SEMA6D: variants seen among roughly 807,000 people sequenced by gnomAD.
The protein encoded by SEMA6D is semaphorin-6D.
Under a neutral mutation model 106.6 loss-of-function variants are expected in SEMA6D, and 35 were observed. The observed-to-expected ratio is 0.33, with a 90% confidence interval of 0.25 to 0.44. The LOEUF (loss-of-function observed/expected upper bound fraction) is 0.44, where lower values mean the gene tolerates loss of function less well. Among genes scored for constraint, SEMA6D ranks in the 20% least tolerant of loss-of-function variants. The pLI is 1.00. For missense variants in SEMA6D, 1,185 were observed against 1,345.9 expected (o/e 0.88, Z 1.87); for synonymous variants, 499 against 487.7 (o/e 1.02, Z -0.31).
chr15:47,478,122 A>G (rs901863428), intron 3 of SEMA6D, among the ~76,000 whole-genome samples: 1 of 152,056 alleles, frequency 6.6e-6, no homozygotes, highest in African/African-American at 2.4e-5. Flanking sequence ...CACAGCATAT[A>G]TATGTAACCA....
At chr15:47,431,190 T>C (rs1160471576) in intron 2 of SEMA6D, among the ~76,000 whole-genome samples, 2 of 152,170 alleles carry the variant, frequency 1.3e-5, no homozygotes, top group Non-Finnish European at 2.9e-5. Context: ...GCAAGGTATA[T>C]AATAATGTGA....
At chr15:47,664,184 A>G (rs1020013391) in intron 4 of SEMA6D, among the ~76,000 whole-genome samples, 5 of 152,292 alleles carry the variant, frequency 3.3e-5, no homozygotes, top group Admixed American at 3.3e-4. Flanking sequence ...CAACTATCAT[A>G]CATTTATATA....
intron 3 of SEMA6D, among the ~76,000 whole-genome samples, chr15:47,490,290 AAG>A (rs527646131): frequency 6.0e-4 from 91 of 152,310 alleles, no homozygotes; most frequent in African/African-American, 2.1e-3. Context: ...TATAACATAA[AAG>A]ACATTTTTGA....
chr15:47,485,303 G>T (rs1448568647), intron 3 of SEMA6D, among the ~76,000 whole-genome samples: 1 of 152,082 alleles, frequency 6.6e-6, no homozygotes. Flanking sequence ...TATAGTTTTG[G>T]TCACATCTGT....
At chr15:47,408,481 A>G (rs1438865666) in intron 1 of SEMA6D, among the ~76,000 whole-genome samples, 2 of 152,240 alleles carry the variant, frequency 1.3e-5, no homozygotes, top group Admixed American at 6.5e-5. Context: ...TTATCTATAA[A>G]AAAGGGTAAA....
chr15:47,634,159 T>C (rs2077339968), intron 4 of SEMA6D, among the ~76,000 whole-genome samples: 1 of 152,092 alleles, frequency 6.6e-6, no homozygotes, highest in African/African-American at 2.4e-5. Flanking sequence ...GAAGGCTAGA[T>C]CGGTGTGTAT....
chr15:47,390,312 T>C (rs2039983016), intron 1 of SEMA6D, among the ~76,000 whole-genome samples: 1 of 152,112 alleles, frequency 6.6e-6, no homozygotes, highest in Non-Finnish European at 1.5e-5. Context: ...TTTAAACCTC[T>C]TCTTCTATTA....
Position 47,773,614 on chromosome 15 carries a change from A to G in SEMA6D, c.*1829A>G, listed in dbSNP as rs2082725221. The G allele has an allele frequency of 6.6e-6, 1 of 152,416 alleles. No homozygotes were observed. 9.4% of individuals were successfully genotyped at this position (152,416 alleles called of 1,614,324 possible). On this transcript the variant is annotated 3_prime_UTR_variant, in exon 19 of 19. Transcript: ENST00000536845. ...TGTTGCAGAAGACCAGATCATTTTT[A>G]TACAGAATGTGAAATACTGATACAG...
chr15:47,292,838 G>C (rs1312847002), intron 1 of SEMA6D, among the ~76,000 whole-genome samples: 1 of 152,058 alleles, frequency 6.6e-6, no homozygotes, highest in Non-Finnish European at 1.5e-5. Flanking sequence ...CTTTTTCATT[G>C]CAACCACATT....
chr15:47,412,387 T>C (rs1323185741), intron 1 of SEMA6D: 1 of 152,648 alleles, frequency 6.6e-6, no homozygotes, highest in Admixed American at 6.5e-5. Flanking sequence ...CTTTGACTTT[T>C]GGCAGGATCT....
At chr15:47,284,059 C>T (rs532617659) in intron 1 of SEMA6D, among the ~76,000 whole-genome samples, 53 of 152,262 alleles carry the variant, frequency 3.5e-4, no homozygotes, top group African/African-American at 1.2e-3. Context: ...CTAGGAATCC[C>T]ACAAAACTAG....
At chr15:47,741,554 T>C (rs1212605424) in intron 1 of SEMA6D, among the ~76,000 whole-genome samples, 1 of 152,054 alleles carries the variant, frequency 6.6e-6, no homozygotes, top group Non-Finnish European at 1.5e-5. Flanking sequence ...TCGTCTCTAC[T>C]AAAAATACAA....
chr15:47,747,945 C>G (rs1170959827), intron 1 of SEMA6D, among the ~76,000 whole-genome samples: 1 of 152,158 alleles, frequency 6.6e-6, no homozygotes, highest in Non-Finnish European at 1.5e-5. Flanking sequence ...TCTGCCAGTC[C>G]CATATATCCA....
In SEMA6D at chr15:47,636,773, G is replaced by C. The variant is rs2077396257; in HGVS notation, c.-55+35877G>C. ...TTTGTCCTGTGGCAACACTACTGTA[G>C]AACCAGGGCCTGCAATACAGAAGGG... On this transcript the variant is annotated intron_variant, in intron 4 of 19. Transcript: ENST00000558014. Among the ~76,000 whole-genome samples the C allele has an allele frequency of 2.0e-5, 3 of 152,174 alleles. No individual in the cohort carries two copies. The South Asian group carries it at 6.2e-4, about 32-fold the overall frequency.
chr15:47,426,701 C>A (rs1426637982), intron 2 of SEMA6D, among the ~76,000 whole-genome samples: 2 of 152,152 alleles, frequency 1.3e-5, no homozygotes, highest in Non-Finnish European at 2.9e-5. Context: ...AACTCAAACT[C>A]TTTCTCTCAC....
rs185289171 is a variant in SEMA6D at position 47,305,095 on chromosome 15, C to T, written c.-238-107298C>T. Reference sequence around the variant, plus strand: ...GTTTCTTATTAAAAACGTAAGTTCACGGGCCTCTCTCCAGATCAACTAAAT... The same window carrying T: ...GTTTCTTATTAAAAACGTAAGTTCATGGGCCTCTCTCCAGATCAACTAAAT... On this transcript the variant is annotated intron_variant, in intron 1 of 19. Transcript: ENST00000558014. Among the ~76,000 whole-genome samples, 10 of 152,290 alleles carry T rather than the reference C, an allele frequency of 6.6e-5. No homozygotes were observed. The East Asian group carries it at 1.4e-3, about 21-fold the overall frequency.
In SEMA6D at chr15:47,771,262, T is replaced by C. The variant is rs1269837199; in HGVS notation, c.2699T>C (p.Ile900Thr). The C allele has an allele frequency of 6.2e-7, 1 of 1,613,980 alleles. No individual in the cohort carries two copies. Among genetic ancestry groups the C allele is most frequent in the South Asian group, 1.1e-5 (1 of 91,066 alleles). Reference sequence around the variant, plus strand: ...AACCCCAAAGCCATCATGGGAGACATCCAGATGGCACACCAGAACTTAATG... The same window carrying C: ...AACCCCAAAGCCATCATGGGAGACACCCAGATGGCACACCAGAACTTAATG... Reference protein sequence around the residue: ...NSNPKAIMGDIQMAHQNLMLD... With the variant: ...NSNPKAIMGDTQMAHQNLMLD... Residue 900 changes from isoleucine to threonine, a missense_variant, in exon 19 of 19, where the codon ATC becomes ACC. Around this residue, in one of 3 missense-constraint regions of SEMA6D, gnomAD observed 750 missense variants for 783.5 expected, o/e 0.96. Coordinates refer to ENST00000536845, the MANE Select transcript of SEMA6D (RefSeq NM_001358351.3).
chr15:47,410,557 G>C (rs1202909606), intron 1 of SEMA6D, among the ~76,000 whole-genome samples: 2 of 152,158 alleles, frequency 1.3e-5, no homozygotes, highest in Non-Finnish European at 2.9e-5. Flanking sequence ...CAAGGGGCTG[G>C]CTAAACAGAA....
At chr15:47,518,771 T>A (rs4482219) in intron 3 of SEMA6D, among the ~76,000 whole-genome samples, 4 of 152,088 alleles carry the variant, frequency 2.6e-5, no homozygotes, top group East Asian at 1.9e-4. Flanking sequence ...TTCCACCTCC[T>A]TATCTTGTCC....
Sources: allele counts gnomAD v4.1 joint callset (sites outside exome capture counted in the v4.1 genomes callset), GRCh38; gene constraint gnomAD v4.1.1; regional missense constraint gnomAD v4.1.1; transcripts MANE v1.5; gene names NCBI Gene and HGNC (gene_info 2026-07-23, HGNC 2026-07-21).